CDH19: variants seen among roughly 807,000 people sequenced by gnomAD.
CDH19 encodes cadherin 19.
In CDH19, 67 loss-of-function variants were observed where a neutral mutation model predicts 64.2. The observed-to-expected ratio is 1.04, with a 90% confidence interval of 0.86 to 1.28. CDH19 has a LOEUF of 1.28. Ranked by LOEUF, CDH19 falls within the 50% of genes most tolerant of loss-of-function variation. CDH19 has a pLI of 0.00. For missense variants in CDH19, 1,030 were observed against 929.0 expected (o/e 1.11, Z -1.41); for synonymous variants, 346 against 319.3 (o/e 1.08, Z -0.89).
At chr18:66,521,916 C>CTGTTTTTGTTGTTGTTGT (rs775775092) in intron 9 of CDH19, among the ~76,000 whole-genome samples, 4 of 111,402 alleles carry the variant, frequency 3.6e-5, no homozygotes, top group Admixed American at 1.6e-4. Flanking sequence ...GTTACTTGTT[C>CTGTTTTTGTTGTTGTTGT]TGTTGTTGTT....
chr18:66,569,621 T>A (rs957502706), intron 2 of CDH19, among the ~76,000 whole-genome samples: 1 of 151,688 alleles, frequency 6.6e-6, no homozygotes, highest in Admixed American at 6.6e-5. Flanking sequence ...ACTGTTGAGG[T>A]ATTATTTAGA....
intron 7 of CDH19, among the ~76,000 whole-genome samples, chr18:66,535,653 A>G (rs1986634810): frequency 6.8e-6 from 1 of 147,014 alleles, no homozygotes; most frequent in African/African-American, 2.5e-5. Flanking sequence ...ATAATACATT[A>G]TATATGATAT....
chr18:66,589,293 C>T (rs1228315499), intron 1 of CDH19, among the ~76,000 whole-genome samples: 2 of 150,578 alleles, frequency 1.3e-5, no homozygotes, highest in African/African-American at 4.9e-5. Flanking sequence ...TCTGTAAAGG[C>T]AACATGAAGG....
intron 1 of CDH19, among the ~76,000 whole-genome samples, chr18:66,588,605 C>CATATATATATATAAATATATAT (rs1263242803): frequency 1.6e-4 from 19 of 116,730 alleles, no homozygotes; most frequent in Non-Finnish European, 3.3e-4. Context: ...TTTTACTAAT[C>CATATATATATATAAATATATAT]ATATATATCT....
rs146126550 is a variant in CDH19, at chr18:66,564,720, G to A, written c.490+3696C>T. Among the ~76,000 whole-genome samples the A allele has an allele frequency of 2.4e-3, 362 of 151,838 alleles. 2 individuals are homozygous for A. The highest frequency in any genetic ancestry group is 8.4e-3 in the African/African-American group (349 of 41,492). On this transcript the variant is annotated intron_variant, in intron 3 of 11. Coordinates refer to ENST00000262150, the MANE Select transcript of CDH19 (RefSeq NM_021153.4). ...ACAATATCAATATCTATTTATTATG[G>A]TTGTTTTCCACGTAATGTGACTGGC...
At chr18:66,507,349 G>A (rs1985251440) in intron 11 of CDH19, among the ~76,000 whole-genome samples, 1 of 151,886 alleles carries the variant, frequency 6.6e-6, no homozygotes, top group African/African-American at 2.4e-5. Flanking sequence ...GACAAGGCAG[G>A]TCCTGAAACA....
chr18:66,591,655 C>T lies in CDH19; in HGVS notation c.-113+12299G>A, dbSNP rs575364092. 1.7e-4 allele frequency among the ~76,000 whole-genome samples: 26 copies of T among 151,766 alleles called. No homozygotes were observed. The East Asian group carries it at 3.3e-3, about 19-fold the overall frequency. On this transcript the variant is annotated intron_variant, in intron 1 of 11. Transcript: ENST00000262150. ...TACCTTATATTGTCACTGTCACGTC[C>T]GAATATAGATTTTGAAAATCATTGA...
chr18:66,514,915 AG>A (rs1282536012), intron 9 of CDH19, among the ~76,000 whole-genome samples: 1 of 151,648 alleles, frequency 6.6e-6, no homozygotes, highest in Non-Finnish European at 1.5e-5. Flanking sequence ...ATTTGGAGCA[AG>A]CAATACATTT....
At chr18:66,518,786 C>G (rs939560549) in intron 9 of CDH19, among the ~76,000 whole-genome samples, 3 of 152,138 alleles carry the variant, frequency 2.0e-5, no homozygotes, top group Non-Finnish European at 4.4e-5. Flanking sequence ...GACATAGTCT[C>G]AGTATTATTA....
chr18:66,581,116 A>G (rs182962379), intron 1 of CDH19, among the ~76,000 whole-genome samples: 1 of 152,278 alleles, frequency 6.6e-6, no homozygotes, highest in African/African-American at 2.4e-5. Context: ...ACATTTCAGT[A>G]TGAAGAAATG....
chr18:66,556,980 G>A (rs763696699), intron 3 of CDH19, among the ~76,000 whole-genome samples: 3 of 151,910 alleles, frequency 2.0e-5, no homozygotes, highest in African/African-American at 7.2e-5. Flanking sequence ...GTAGATTCAT[G>A]TAGCCATTAT....
intron 1 of CDH19, among the ~76,000 whole-genome samples, chr18:66,574,949 A>G (rs1481233609): frequency 6.6e-6 from 1 of 151,854 alleles, no homozygotes; most frequent in East Asian, 1.9e-4. Context: ...TGATTTTTGT[A>G]AAGAGATCAG....
chr18:66,579,825 GT>G (rs1988373199), intron 1 of CDH19, among the ~76,000 whole-genome samples: 2 of 152,014 alleles, frequency 1.3e-5, no homozygotes, highest in South Asian at 2.1e-4. Context: ...AGTATTGCCA[GT>G]TTTTTTGGTC....
At chr18:66,536,286 A>C (rs1295471954) in intron 7 of CDH19, among the ~76,000 whole-genome samples, 2 of 151,778 alleles carry the variant, frequency 1.3e-5, no homozygotes, top group Admixed American at 6.6e-5. Context: ...ACATTATGCT[A>C]CTTTGTAGCT....
chr18:66,579,927 C>T (rs1282158951), intron 1 of CDH19, among the ~76,000 whole-genome samples: 1 of 151,664 alleles, frequency 6.6e-6, no homozygotes, highest in Non-Finnish European at 1.5e-5. Context: ...GACAGGGTGT[C>T]TTGAGAAAAA....
intron 1 of CDH19, among the ~76,000 whole-genome samples, chr18:66,594,148 C>T (rs952342260): frequency 2.6e-5 from 4 of 151,966 alleles, no homozygotes; most frequent in African/African-American, 7.2e-5. Flanking sequence ...AAACAGACAA[C>T]TATCAAAAAC....
In CDH19 at chr18:66,525,549, A is replaced by T. The variant is rs1417703520; in HGVS notation, c.1458+4296T>A. Among the ~76,000 whole-genome samples the T allele has an allele frequency of 2.6e-5, 4 of 152,248 alleles. No individual in the cohort carries two copies. In the South Asian group the frequency reaches 8.3e-4, roughly 32 times the overall value. ...AATTTCAAATCAGAAATCTCAACCC[A>T]AGTCAGTCTGACTCTATGATCAACA... On this transcript the variant is annotated intron_variant, in intron 9 of 11. Transcript: ENST00000262150.
At chr18:66,519,371 A>T (rs1391803184) in intron 9 of CDH19, among the ~76,000 whole-genome samples, 1 of 152,150 alleles carries the variant, frequency 6.6e-6, no homozygotes, top group East Asian at 1.9e-4. Context: ...TCCTTAGAAG[A>T]TAGAGATTGT....
rs546764649 is a variant in CDH19, at chr18:66,590,472, G to A, written c.-113+13482C>T. Among the ~76,000 whole-genome samples the A allele has an allele frequency of 1.1e-4, 16 of 151,352 alleles. 2 individuals are homozygous for A. The South Asian group carries it at 3.1e-3, about 30-fold the overall frequency. ...AAAGAATTTTGCTTTCTTTAGAGCT[G>A]GTACCTTTAACCAATGTCTTTGCAG... On this transcript the variant is annotated intron_variant, in intron 1 of 11. Transcript: ENST00000262150.
Sources: allele counts gnomAD v4.1 joint callset (sites outside exome capture counted in the v4.1 genomes callset), GRCh38; gene constraint gnomAD v4.1.1; transcripts MANE v1.5; gene names NCBI Gene and HGNC (gene_info 2026-07-23, HGNC 2026-07-21).